The following PCID2 variants were observed in gnomAD, a reference collection of about 807,000 sequenced individuals.
PCID2 encodes the protein PCI domain-containing protein 2.
PCID2 carries 41 observed loss-of-function variants against 61.3 expected under a neutral mutation model. The ratio of observed to expected loss-of-function variants is 0.67; its 90% confidence interval spans 0.52 to 0.87. The LOEUF is 0.87. Ranked by LOEUF, PCID2 falls within the 40% of genes least tolerant of loss-of-function variation. The pLI is 0.00. For missense variants in PCID2, 392 were observed against 493.4 expected, an observed-to-expected ratio of 0.79 and a Z score of 1.95; for synonymous variants, 187 against 177.8, an observed-to-expected ratio of 1.05 and a Z score of -0.41.
At chr13:113,166,052 T>A in the PCID2 span, 1 of 152,302 alleles carries the variant, frequency 6.6e-6, no homozygotes, top group Admixed American at 6.5e-5. Flanking sequence ...CCACCCACAC[T>A]GGCTTTGATT....
At chr13:113,189,709 T>A (rs2038431200) in intron 7 of PCID2, among the ~76,000 whole-genome samples, 2 of 95,524 alleles carry the variant, frequency 2.1e-5, no homozygotes. Context: ...TTACCTAAAA[T>A]GAAGGAGAGG....
chr13:113,196,944 G>C, intron 4 of PCID2: 1 of 1,077,442 alleles, frequency 9.3e-7, no homozygotes, highest in Middle Eastern at 2.0e-4. Context: ...AGCAGAGTAA[G>C]ATCCTTCTTC....
the PCID2 span, among the ~76,000 whole-genome samples, chr13:113,167,807 G>A: frequency 2.3e-4 from 30 of 129,176 alleles, no homozygotes; most frequent in African/African-American, 7.4e-4. Flanking sequence ...ATATGTTTAC[G>A]GTTAAAGCTA....
At chr13:113,170,715 C>T in the PCID2 span, among the ~76,000 whole-genome samples, 1 of 151,962 alleles carries the variant, frequency 6.6e-6, no homozygotes, top group Non-Finnish European at 1.5e-5. Flanking sequence ...AAGCCTGGGC[C>T]CAGCGACAGG....
At chr13:113,168,913 G>C in the PCID2 span, among the ~76,000 whole-genome samples, 1 of 152,240 alleles carries the variant, frequency 6.6e-6, no homozygotes, top group East Asian at 1.9e-4. Context: ...ATTTCATGTA[G>C]AGATGGGGTC....
intron 2 of PCID2, among the ~76,000 whole-genome samples, chr13:113,199,093 C>G (rs555203070): frequency 6.4e-4 from 97 of 152,274 alleles, no homozygotes; most frequent in African/African-American, 2.1e-3. Flanking sequence ...GTTAATTTTG[C>G]CAACTTGACT....
chr13:113,202,221 G>C (rs2039484984), intron 1 of PCID2, among the ~76,000 whole-genome samples: 1 of 152,188 alleles, frequency 6.6e-6, no homozygotes, highest in South Asian at 2.1e-4. Flanking sequence ...GGAGGCACAT[G>C]CCACCAGTTC....
intron 9 of PCID2, chr13:113,183,900 T>C (rs1194498390): frequency 2.0e-6 from 2 of 985,436 alleles, no homozygotes; most frequent in East Asian, 1.1e-4. Context: ...AACGAGAGCT[T>C]TGACACCAGG....
chr13:113,203,026 G>A (rs898414495), intron 1 of PCID2, among the ~76,000 whole-genome samples: 1 of 152,230 alleles, frequency 6.6e-6, no homozygotes, highest in African/African-American at 2.4e-5. Context: ...ACATCACTGA[G>A]TAGAATGTTG....
At chr13:113,170,436 A>G in the PCID2 span, 2 of 1,606,410 alleles carry the variant, frequency 1.2e-6, no homozygotes, top group Non-Finnish European at 8.5e-7. Flanking sequence ...ATTCCGAAGG[A>G]AAAGACTTCT....
chr13:113,178,315 T>C (rs2037294440), intron 13 of PCID2, 28 bp from the exon 14 acceptor site: 1 of 1,569,576 alleles, frequency 6.4e-7, no homozygotes, highest in East Asian at 2.3e-5. Context: ...AGGAATGCGT[T>C]TACATTTTTG....
At chr13:113,165,722 G>A in the PCID2 span, among the ~76,000 whole-genome samples, 24 of 152,186 alleles carry the variant, frequency 1.6e-4, no homozygotes, top group Non-Finnish European at 8.8e-5. Flanking sequence ...GTAGAGACGG[G>A]GTTTCACCAT....
At chr13:113,184,510 T>C in intron 8 of PCID2, 23 bp from the exon 9 acceptor site, 2 of 1,437,180 alleles carry the variant, frequency 1.4e-6, no homozygotes, top group Non-Finnish European at 1.9e-6. Flanking sequence ...ACAATCCATT[T>C]AAAATATTTA....
intron 7 of PCID2, chr13:113,187,520 C>T (rs576448195): frequency 6.6e-6 from 1 of 152,320 alleles, no homozygotes; most frequent in Admixed American, 6.5e-5. Context: ...CTGGGTGTGG[C>T]CTGGCAGCTC....
the PCID2 span, chr13:113,172,005 CG>C: frequency 6.2e-7 from 1 of 1,613,188 alleles, no homozygotes; most frequent in South Asian, 1.1e-5. Flanking sequence ...TGGTTTCTCA[CG>C]GGGGTCCTGG....
chr13:113,187,103 T>C (rs915549100), intron 7 of PCID2: 10 of 152,260 alleles, frequency 6.6e-5, no homozygotes, highest in Admixed American at 6.5e-4. Flanking sequence ...GGTCTCGTTT[T>C]CCTCATCTGA....
chr13:113,169,428 T>G, the PCID2 span, among the ~76,000 whole-genome samples: 3 of 152,254 alleles, frequency 2.0e-5, no homozygotes, highest in Admixed American at 6.5e-5. Flanking sequence ...TTTTGGGATA[T>G]TTTTCTTCTC....
the PCID2 span, chr13:113,165,165 T>G: frequency 2.6e-6 from 4 of 1,549,482 alleles, no homozygotes; most frequent in Non-Finnish European, 3.5e-6. Context: ...GTTATGACTT[T>G]CACCTCACTT....
intron 1 of PCID2, chr13:113,208,020 T>G: frequency 6.2e-7 from 1 of 1,611,984 alleles, no homozygotes; most frequent in Non-Finnish European, 8.5e-7. Flanking sequence ...CTTCTGCTAC[T>G]TACAAGCTGT....
Sources: allele counts gnomAD v4.1 joint callset (sites outside exome capture counted in the v4.1 genomes callset), GRCh38; gene constraint gnomAD v4.1.1; transcripts MANE v1.5; gene names NCBI Gene and HGNC (gene_info 2026-07-23, HGNC 2026-07-21).